The following ZBTB38 variants were observed in gnomAD, a reference collection of about 807,000 sequenced individuals.
ZBTB38 encodes the protein zinc finger and BTB domain-containing protein 38.
In ZBTB38, 20 loss-of-function variants were observed where a neutral mutation model predicts 76.8. The observed-to-expected ratio is 0.26, with a 90% CI of 0.18 to 0.38. The LOEUF is 0.38. ZBTB38 is among the 10% of genes least tolerant of loss of function. The probability of loss-of-function intolerance (pLI) is 1.00; values close to 1 mark genes in which losing one functional copy is unlikely to be tolerated. For missense variants in ZBTB38, 1,082 were observed against 1,482.3 expected (o/e 0.73, Z 4.43); for synonymous variants, 504 against 544.2 (o/e 0.93, Z 1.03).
intron 4 of ZBTB38, chr3:141,403,078 T>A (rs1288325750): frequency 6.6e-6 from 1 of 152,238 alleles, no homozygotes; most frequent in Non-Finnish European, 1.5e-5. Context: ...CCACTTTTTT[T>A]ATAGGGTACA....
rs920958538 is a variant in ZBTB38, at chr3:141,349,904, A to G, written c.-738-18717A>G. Among the ~76,000 whole-genome samples the G allele has an allele frequency of 3.3e-5, 5 of 152,310 alleles. No homozygotes were observed. In the South Asian group the frequency reaches 8.3e-4, roughly 25 times the overall value. ...GAACAGGATGCAATGAAAAAAGAAAAATCAGAGCATTGTTAGAAGCCCTTG... is the reference window on the plus strand; with the variant it reads ...GAACAGGATGCAATGAAAAAAGAAAGATCAGAGCATTGTTAGAAGCCCTTG... On this transcript the variant is annotated intron_variant, in intron 1 of 7. Coordinates refer to the ZBTB38 transcript ENST00000509842.
intron 4 of ZBTB38, chr3:141,389,249 A>G (rs1423268458): frequency 6.6e-6 from 1 of 152,190 alleles, no homozygotes; most frequent in Non-Finnish European, 1.5e-5. Context: ...AGTTTAACTA[A>G]TATTCTATTC....
intron 5 of ZBTB38, among the ~76,000 whole-genome samples, chr3:141,428,768 G>A (rs950250173): frequency 2.0e-5 from 3 of 152,134 alleles, no homozygotes; most frequent in African/African-American, 7.2e-5. Context: ...GAGCCAAGGC[G>A]CCCGGCCAGT....
intron 5 of ZBTB38, among the ~76,000 whole-genome samples, chr3:141,438,956 A>G (rs558252855): frequency 3.5e-5 from 5 of 142,252 alleles, no homozygotes; most frequent in Admixed American, 2.9e-4. Flanking sequence ...ACCCACTTTG[A>G]TCATTTTTAA....
intron 1 of ZBTB38, among the ~76,000 whole-genome samples, chr3:141,335,550 T>C (rs1385845101): frequency 6.6e-6 from 1 of 152,224 alleles, no homozygotes; most frequent in Non-Finnish European, 1.5e-5. Context: ...CTGGACTGAA[T>C]CTGCTGTTTC....
rs189649739 is a variant in ZBTB38 at position 141,436,584 on chromosome 3, G to A, written c.1-5805G>A. ...GTGATCTCGGCTCACTGCAACCTCC[G>A]CCTCCCAGGTTCAAGCGATTCTCCT... On this transcript the variant is annotated intron_variant, in intron 5 of 5. Coordinates refer to ENST00000321464, the MANE Select transcript of ZBTB38 (RefSeq NM_001376113.1). Among the ~76,000 whole-genome samples, 18 of 152,116 alleles carry A rather than the reference G, an allele frequency of 1.2e-4. No individual in the cohort carries two copies. In the East Asian group the frequency reaches 2.5e-3, roughly 21 times the overall value.
intron 1 of ZBTB38, among the ~76,000 whole-genome samples, chr3:141,354,646 C>T (rs996181586): frequency 3.9e-5 from 6 of 152,108 alleles, no homozygotes; most frequent in South Asian, 2.1e-4. Flanking sequence ...CGGGATTCAT[C>T]GGCATATCTC....
At chr3:141,395,551 A>G (rs1950169512) in intron 4 of ZBTB38, among the ~76,000 whole-genome samples, 1 of 152,222 alleles carries the variant, frequency 6.6e-6, no homozygotes, top group Non-Finnish European at 1.5e-5. Context: ...CAAGTGACAA[A>G]GCAAATTTTC....
chr3:141,402,494 G>GGGTGA (rs1218462389), intron 4 of ZBTB38: 20 of 144,180 alleles, frequency 1.4e-4, no homozygotes, highest in African/African-American at 5.7e-4. Flanking sequence ...GGGCGGGGCG[G>GGGTGA]GGCGAGGCGC....
At chr3:141,366,451 A>T (rs1943969634), upstream of ZBTB38, 1 of 152,242 alleles carries the variant, frequency 6.6e-6, no homozygotes, top group South Asian at 2.1e-4. Context: ...TCAGCCCAAG[A>T]TCAGGCTGTG....
At chr3:141,428,216 C>T (rs1369932678) in intron 5 of ZBTB38, among the ~76,000 whole-genome samples, 3 of 152,366 alleles carry the variant, frequency 2.0e-5, no homozygotes, top group South Asian at 4.1e-4. Flanking sequence ...CCTCTTGAAT[C>T]CCATTCTGGG....
chr3:141,363,623 C>T (rs1377037897), upstream of ZBTB38, among the ~76,000 whole-genome samples: 2 of 151,896 alleles, frequency 1.3e-5, no homozygotes, highest in African/African-American at 4.8e-5. Flanking sequence ...GACAAAGGGG[C>T]CAAGACAATT....
intron 5 of ZBTB38, among the ~76,000 whole-genome samples, chr3:141,424,754 G>C (rs1011159654): frequency 1.3e-5 from 2 of 152,170 alleles, no homozygotes; most frequent in African/African-American, 4.8e-5. Flanking sequence ...CACTGTGAGG[G>C]GGTCTGGGGA....
chr3:141,437,746 G>T (rs1024052931), intron 5 of ZBTB38, among the ~76,000 whole-genome samples: 1 of 152,122 alleles, frequency 6.6e-6, no homozygotes, highest in African/African-American at 2.4e-5. Flanking sequence ...TAGGAGCAGG[G>T]GAGGTGGAAT....
At chr3:141,381,651 C>T (rs555419353) in intron 3 of ZBTB38, among the ~76,000 whole-genome samples, 164 bp downstream of exon 3, 2 of 152,328 alleles carry the variant, frequency 1.3e-5, no homozygotes, top group South Asian at 4.1e-4. Context: ...GATAGTCTTC[C>T]TCTCCTATTC....
intron 4 of ZBTB38, among the ~76,000 whole-genome samples, chr3:141,393,989 C>CT (rs995655069): frequency 2.7e-4 from 40 of 147,198 alleles, no homozygotes; most frequent in African/African-American, 4.3e-4. Context: ...CTTTCCATTT[C>CT]TTTTTTTTTT....
chr3:141,401,839 T>A (rs1222585780), intron 4 of ZBTB38, among the ~76,000 whole-genome samples: 1 of 152,228 alleles, frequency 6.6e-6, no homozygotes, highest in Non-Finnish European at 1.5e-5. Context: ...CTGGGTCTTT[T>A]GCGTGAAATA....
intron 5 of ZBTB38, among the ~76,000 whole-genome samples, chr3:141,430,124 GGTGT>G (rs2077175603): frequency 1.3e-5 from 2 of 152,140 alleles, no homozygotes; most frequent in Admixed American, 1.3e-4. Context: ...GGAGTGCAAT[GGTGT>G]GATCTTGGCT....
intron 1 of ZBTB38, among the ~76,000 whole-genome samples, chr3:141,333,041 A>G (rs577121642): frequency 4.9e-4 from 75 of 152,308 alleles, no homozygotes; most frequent in African/African-American, 1.7e-3. Context: ...AGAAGTTTGC[A>G]TTTTGGGTCT....
Sources: allele counts gnomAD v4.1 joint callset (sites outside exome capture counted in the v4.1 genomes callset), GRCh38; gene constraint gnomAD v4.1.1; transcripts MANE v1.5; gene names NCBI Gene and HGNC (gene_info 2026-07-23, HGNC 2026-07-21).